CRIM1: variants seen among roughly 807,000 people sequenced by gnomAD.
CRIM1 encodes the protein cysteine-rich motor neuron 1 protein.
Under a neutral mutation model 116.4 loss-of-function variants are expected in CRIM1, and 32 were observed. The ratio of observed to expected loss-of-function variants is 0.27; its 90% CI spans 0.21 to 0.37. The LOEUF (loss-of-function observed/expected upper bound fraction) is 0.37. Ranked by LOEUF, CRIM1 falls within the 10% of genes least tolerant of loss-of-function variation. The pLI is 1.00. For synonymous variants in CRIM1, 590 were observed against 509.2 expected, an observed-to-expected ratio of 1.16 and a Z score of -2.13; for missense variants, 1,331 against 1,354.8, an observed-to-expected ratio of 0.98 and a Z score of 0.28.
intron 2 of CRIM1, among the ~76,000 whole-genome samples, chr2:36,414,892 A>G (rs1272328263): frequency 6.6e-6 from 1 of 152,158 alleles, no homozygotes; most frequent in Non-Finnish European, 1.5e-5. Context: ...TATAATAGGA[A>G]TCCATGAAAG....
At chr2:36,429,529 G>A (rs775378126) in intron 2 of CRIM1, among the ~76,000 whole-genome samples, 1 of 152,156 alleles carries the variant, frequency 6.6e-6, no homozygotes, top group African/African-American at 2.4e-5. Flanking sequence ...CAAGACTGTC[G>A]CTGTCCTCTA....
chr2:36,442,821 A>G lies in CRIM1; in HGVS notation c.869+86A>G, dbSNP rs562530987. The G allele has an allele frequency of 1.4e-5, 21 of 1,480,920 alleles. No homozygotes were observed. The Admixed American group carries it at 2.0e-4, about 14-fold the overall frequency. The allele number at this position is 1,480,920 out of a possible 1,614,324, so 91.7% of individuals were successfully genotyped here. A position where few individuals can be genotyped will look rare whatever the true frequency, so the allele number is the denominator to read the frequency against. The stretch of plus-strand genomic sequence containing the variant: ...TTTTGAGCATGCAGTTTGTTTTCCC[A>G]TGAGAAACCTAGTCCTTTCCTGTTT... On this transcript the variant is annotated intron_variant, in intron 4 of 16. Coordinates refer to ENST00000280527, the MANE Select transcript of CRIM1 (RefSeq NM_016441.3).
chr2:36,394,521 T>C (rs1309565159), intron 1 of CRIM1, among the ~76,000 whole-genome samples: 2 of 152,122 alleles, frequency 1.3e-5, no homozygotes, highest in Admixed American at 6.5e-5. Flanking sequence ...CAGAGTACTT[T>C]ACTAATTTCA....
intron 13 of CRIM1, among the ~76,000 whole-genome samples, chr2:36,534,157 G>C (rs776524331): frequency 1.5e-5 from 2 of 133,550 alleles, no homozygotes; most frequent in African/African-American, 2.8e-5. Flanking sequence ...CAGGAAGGGG[G>C]AAGAAGGAAG....
intron 8 of CRIM1, among the ~76,000 whole-genome samples, chr2:36,509,567 C>G (rs1002616555): frequency 1.3e-5 from 2 of 152,090 alleles, no homozygotes; most frequent in Admixed American, 6.6e-5. Flanking sequence ...TATGGACATG[C>G]AATAGAAATA....
chr2:36,384,683 T>C (rs1470921351), intron 1 of CRIM1, among the ~76,000 whole-genome samples: 3 of 152,238 alleles, frequency 2.0e-5, no homozygotes, highest in African/African-American at 7.2e-5. Context: ...GCAAGAGTCC[T>C]GCTTTCCATT....
chr2:36,450,166 A>G (rs771197389), intron 4 of CRIM1, among the ~76,000 whole-genome samples: 7 of 152,196 alleles, frequency 4.6e-5, no homozygotes, highest in Non-Finnish European at 7.3e-5. Flanking sequence ...TAGAATGTCG[A>G]TATCTCTGCC....
At chr2:36,455,791 G>A (rs755513231) in intron 4 of CRIM1, among the ~76,000 whole-genome samples, 4 of 152,194 alleles carry the variant, frequency 2.6e-5, no homozygotes, top group Non-Finnish European at 4.4e-5. Flanking sequence ...GGTGCATTGT[G>A]TGATATGTTC....
In CRIM1 at chr2:36,547,166, A is replaced by G. The variant is rs755591519; in HGVS notation, c.2929A>G (p.Thr977Ala). ...ACTGCTTTGCTGGTATCGAACACCA[A>G]CTAAGGTACTGTCTTGCAAAAGTTA... Reference protein sequence around the residue: ...IPLLCWYRTPTKPSSLNNQLV... With the variant: ...IPLLCWYRTPAKPSSLNNQLV... Residue 977 changes from threonine (T) to alanine (A), a missense_variant, in exon 16 of 17, where the codon ACT (threonine) becomes GCT (alanine). Transcript: ENST00000280527. 151 of 1,610,358 alleles carry G rather than the reference A, an allele frequency of 9.4e-5. 1 individual carries two copies. The Admixed American group carries it at 2.3e-3, about 25-fold the overall frequency.
At position 36,446,472 on chromosome 2, in the gene CRIM1, G is replaced by A. The variant is rs186185404; in HGVS notation, c.869+3737G>A. ...CAAATACTGGTTTTCCCTTCTACCT[G>A]TGGCCTTTGTGAGTATAGGCTCTTC... On this transcript the variant is annotated intron_variant, in intron 4 of 16. Transcript: ENST00000280527. 2.9e-3 allele frequency among the ~76,000 whole-genome samples: 449 copies of A among 152,260 alleles called. 14 individuals carry two copies. Among genetic ancestry groups the A allele is most frequent in the Admixed American group, 0.023 (358 of 15,288 alleles).
Position 36,550,436 on chromosome 2 carries a change from GAC to G in CRIM1, c.*1739_*1740del, listed in dbSNP as rs540097681. The G allele has an allele frequency of 2.6e-5, 4 of 152,426 alleles. No individual in the cohort carries two copies. Among genetic ancestry groups the G allele is most frequent in the Admixed American group, 1.3e-4 (2 of 15,274 alleles). The allele number at this position is 152,426 out of a possible 1,614,324, so 9.4% of individuals were successfully genotyped here. On this transcript the variant is annotated 3_prime_UTR_variant, in exon 17 of 17. Transcript: ENST00000280527. ...TCTTTTAAAAATGCTTGTTGTGAAA[GAC>G]ACAGATACCCAGTATGCTTAACGTG...
At chr2:36,432,912 G>A (rs950520184) in intron 2 of CRIM1, among the ~76,000 whole-genome samples, 1 of 152,090 alleles carries the variant, frequency 6.6e-6, no homozygotes, top group Non-Finnish European at 1.5e-5. Flanking sequence ...TTAATGGGCA[G>A]CCGAGGTTGA....
At chr2:36,424,073 G>C (rs1041873262) in intron 2 of CRIM1, among the ~76,000 whole-genome samples, 2 of 152,170 alleles carry the variant, frequency 1.3e-5, no homozygotes, top group African/African-American at 4.8e-5. Flanking sequence ...CTGTGGTCTA[G>C]GCATTATGTT....
intron 1 of CRIM1, among the ~76,000 whole-genome samples, chr2:36,387,780 A>G (rs754314909): frequency 3.7e-4 from 56 of 152,244 alleles, no homozygotes; most frequent in Non-Finnish European, 7.3e-4. Context: ...GTGTGAGACT[A>G]CTCATTAAAA....
chr2:36,482,646 G>T (rs1679507010), intron 7 of CRIM1, among the ~76,000 whole-genome samples: 1 of 152,174 alleles, frequency 6.6e-6, no homozygotes. Context: ...AGGAAAACCA[G>T]AAACACTGGT....
intron 13 of CRIM1, among the ~76,000 whole-genome samples, chr2:36,531,637 A>G (rs1325238920): frequency 1.3e-5 from 2 of 152,188 alleles, no homozygotes; most frequent in African/African-American, 2.4e-5. Flanking sequence ...TTCTTTTCTT[A>G]TCTTGAAAAG....
At chr2:36,419,669 TG>T (rs1673905190) in intron 2 of CRIM1, among the ~76,000 whole-genome samples, 5 of 152,248 alleles carry the variant, frequency 3.3e-5, no homozygotes, top group Admixed American at 3.3e-4. Flanking sequence ...CTCTTATTTC[TG>T]AAGCTTATGT....
chr2:36,423,402 C>T (rs988598324), intron 2 of CRIM1, among the ~76,000 whole-genome samples: 10 of 152,340 alleles, frequency 6.6e-5, no homozygotes, highest in African/African-American at 2.4e-4. Flanking sequence ...ACCCTCTGCT[C>T]AGCTACTCAA....
In CRIM1 at chr2:36,550,329, A is replaced by AACTG. The variant is rs1191974162; in HGVS notation, c.*1633_*1636dup. On this transcript the variant is annotated 3_prime_UTR_variant, in exon 17 of 17. Coordinates refer to ENST00000280527, the MANE Select transcript of CRIM1 (RefSeq NM_016441.3). ...GTTTGTTGTAGTATGCCTCAAATAT[A>AACTG]ACTGACTGTATACTATAGTGGTAAC... 6.6e-6 allele frequency: 1 copy of AACTG among 152,166 alleles called. No homozygotes were observed. The highest frequency in any genetic ancestry group is 2.4e-5 in the African/African-American group (1 of 41,262). The allele number at this position is 152,166 out of a possible 1,614,324, so 9.4% of individuals were successfully genotyped here.
Sources: allele counts gnomAD v4.1 joint callset (sites outside exome capture counted in the v4.1 genomes callset), GRCh38; gene constraint gnomAD v4.1.1; transcripts MANE v1.5; gene names NCBI Gene and HGNC (gene_info 2026-07-23, HGNC 2026-07-21).